Variants in TMEM185A observed in about 807,000 individuals in gnomAD.
The protein encoded by TMEM185A is family with sequence similarity 11, member A.
Under a neutral mutation model 25.0 loss-of-function variants are expected in TMEM185A, and 9 were observed. The observed-to-expected ratio is 0.36, with a 90% CI of 0.22 to 0.63. TMEM185A has a LOEUF of 0.63. Among genes scored for constraint, TMEM185A ranks in the 20% least tolerant of loss-of-function variants. The pLI is 0.68. For synonymous variants in TMEM185A, 45 were observed against 93.5 expected (o/e 0.48, Z 2.99); for missense variants, 103 against 237.4 (o/e 0.43, Z 3.72).
intron 1 of TMEM185A, among the ~76,000 whole-genome samples, chrX:149,614,438 T>G (rs1461612689): frequency 9.0e-6 from 1 of 111,723 alleles, no homozygotes; most frequent in Non-Finnish European, 1.9e-5. Flanking sequence ...AATTTTAGCA[T>G]CAAATACTTA....
chrX:149,607,644 G>GA (rs1557353738), intron 3 of TMEM185A, among the ~76,000 whole-genome samples: 1 of 112,337 alleles, frequency 8.9e-6, no homozygotes, highest in African/African-American at 3.2e-5. Flanking sequence ...TATGCTTAGG[G>GA]AAAAAGGGCT....
intron 1 of TMEM185A, among the ~76,000 whole-genome samples, chrX:149,612,945 G>C (rs1307680023): frequency 5.4e-5 from 6 of 111,935 alleles, no homozygotes; most frequent in African/African-American, 2.0e-4. Flanking sequence ...TCTCATGCTT[G>C]GGATGTTTTC....
At chrX:149,631,379 G>T in intron 1 of TMEM185A, 164 bp downstream of exon 1, 1 of 284,515 alleles carries the variant, frequency 3.5e-6, no homozygotes, top group Non-Finnish European at 4.8e-6. Flanking sequence ...CGCCGAGGCC[G>T]ACTGTTTTGC....
chrX:149,631,497 G>A (rs782667555), intron 1 of TMEM185A, 46 bp downstream of exon 1: 5 of 1,141,381 alleles, frequency 4.4e-6, no homozygotes, highest in Non-Finnish European at 5.8e-6. Context: ...GCCCGCGCCC[G>A]AGCCCGCAGC....
intron 6 of TMEM185A, 112 bp downstream of exon 6, chrX:149,599,442 T>A: frequency 1.7e-6 from 1 of 603,355 alleles, no homozygotes; most frequent in Non-Finnish European, 2.6e-6. Flanking sequence ...CACAAGCTTC[T>A]AAATTGGGGC....
At chrX:149,605,310 TATGGCCTCCCATGTCAC>T in intron 3 of TMEM185A, 2 of 100,240 alleles carry the variant, frequency 2.0e-5, no homozygotes, top group Non-Finnish European at 4.0e-5. Context: ...CCCATGTCAC[TATGGCCTCCCATGTCAC>T]TTTCTATGGC....
rs1164250439 is a variant in TMEM185A at position 149,605,004 on chromosome X, T to C, written c.424-934A>G. ...CACAAACTCAGTCTTCTCTCCCGAC[T>C]AGGAAGACAGACACACAAACACACA... On this transcript the variant is annotated intron_variant, in intron 3 of 6. Coordinates refer to ENST00000600449, the MANE Select transcript of TMEM185A (RefSeq NM_032508.4). Among the ~76,000 whole-genome samples, 3 of 111,856 alleles carry C rather than the reference T, an allele frequency of 2.7e-5. No individual in the cohort carries two copies. The Admixed American group carries it at 2.8e-4, about 11-fold the overall frequency.
At position 149,631,735 on chromosome X, in the gene TMEM185A, T is replaced by TCGCCGCCGCCGCCGTCGCCGTCGCCGC. The variant is rs2090197658; in HGVS notation, c.-156_-155insGCGGCGACGGCGACGGCGGCGGCGGCG. The TCGCCGCCGCCGCCGTCGCCGTCGCCGC allele has an allele frequency of 3.1e-6, 1 of 327,457 alleles. No homozygotes were observed. Among genetic ancestry groups the TCGCCGCCGCCGCCGTCGCCGTCGCCGC allele is most frequent in the Non-Finnish European group, 4.9e-6 (1 of 204,604 alleles). The allele number at this position is 327,457 out of a possible 1,213,427, so 27.0% of individuals were successfully genotyped here. A position where few individuals can be genotyped will look rare whatever the true frequency, so the allele number is the denominator to read the frequency against. ...GTCCCCGCTGCCGTCGCCGTCGCCG[T>TCGCCGCCGCCGCCGTCGCCGTCGCCGC]CGCCGCCGCCGCCGCCGCCGCCGCC... is the stretch of plus-strand genomic sequence containing the variant. On this transcript the variant is annotated 5_prime_UTR_variant, in exon 1 of 7. Transcript: ENST00000600449.
At chrX:149,629,406 T>C (rs1557356380) in intron 1 of TMEM185A, among the ~76,000 whole-genome samples, 4 of 111,413 alleles carry the variant, frequency 3.6e-5, no homozygotes, top group African/African-American at 1.3e-4. Context: ...TTCCTCAGCA[T>C]GGAAGGAGAC....
At chrX:149,618,539 A>T (rs782770396) in intron 1 of TMEM185A, among the ~76,000 whole-genome samples, 6 of 111,715 alleles carry the variant, frequency 5.4e-5, no homozygotes, top group Non-Finnish European at 7.5e-5. Flanking sequence ...CTTTGTATAA[A>T]GCACTAAATC....
At chrX:149,614,748 G>A (rs1487092271) in intron 1 of TMEM185A, among the ~76,000 whole-genome samples, 2 of 111,391 alleles carry the variant, frequency 1.8e-5, no homozygotes, top group Non-Finnish European at 3.8e-5. Context: ...ATGAAAACAG[G>A]GATATCACTA....
chrX:149,630,584 T>C (rs2090186033), intron 1 of TMEM185A, among the ~76,000 whole-genome samples: 1 of 112,182 alleles, frequency 8.9e-6, no homozygotes, highest in Non-Finnish European at 1.9e-5. Context: ...GGCCAACTCC[T>C]CATTTTACAG....
rs782691133 is a variant in TMEM185A, at chrX:149,605,436, A to ACTTT, written c.424-1367_424-1366insAAAG. ...GTCACTTTCTATGGCCTCCCATGTC[A>ACTTT]CTATGGCCTCCCATGTCACTTTCTA... On this transcript the variant is annotated intron_variant, in intron 3 of 6. Transcript: ENST00000600449. Among the ~76,000 whole-genome samples the ACTTT allele has an allele frequency of 4.9e-4, 28 of 56,728 alleles. No individual in the cohort carries two copies. The East Asian group carries it at 6.2e-3, about 13-fold the overall frequency. 49.3% of individuals were successfully genotyped at this position (56,728 alleles called of 115,157 possible).
rs2090081776 is a variant in TMEM185A, at chrX:149,611,287, C to T, written c.215G>A (p.Arg72Gln). 2.5e-6 allele frequency: 3 copies of T among 1,203,987 alleles called. No homozygotes were observed. Among genetic ancestry groups the T allele is most frequent in the Non-Finnish European group, 2.2e-6 (2 of 892,658 alleles). ...TGVWARNPQYRAEGETCVEFK... is the reference protein window; with the variant it reads ...TGVWARNPQYQAEGETCVEFK... ...AATGGGTTGTATAAAGCAGTATTAC[C>T]GATATTGAGGATTTCGTGCCCAGAC... is the stretch of plus-strand genomic sequence containing the variant. Residue 72 changes from arginine (R) to glutamine (Q), a missense_variant and splice_region_variant, in exon 2 of 7, where the codon CGA becomes CAA. Coordinates refer to ENST00000600449, the MANE Select transcript of TMEM185A (RefSeq NM_032508.4).
At chrX:149,625,982 G>C (rs1297556108) in intron 1 of TMEM185A, among the ~76,000 whole-genome samples, 1 of 112,249 alleles carries the variant, frequency 8.9e-6, no homozygotes, top group African/African-American at 3.2e-5. Context: ...TAGAACTATG[G>C]CATGGCACGC....
intron 4 of TMEM185A, 94 bp downstream of exon 4, chrX:149,603,893 C>A: frequency 1.3e-6 from 1 of 742,210 alleles, no homozygotes; most frequent in Non-Finnish European, 2.0e-6. Flanking sequence ...GCTATTACTT[C>A]TGCTTGTCCG....
chrX:149,624,738 T>TA (rs2090155468), intron 1 of TMEM185A, among the ~76,000 whole-genome samples: 1 of 111,862 alleles, frequency 8.9e-6, no homozygotes, highest in Non-Finnish European at 1.9e-5. Context: ...TTTATTAAGA[T>TA]AAAAAATGTT....
intron 1 of TMEM185A, among the ~76,000 whole-genome samples, chrX:149,627,615 C>T (rs782072035): frequency 8.9e-6 from 1 of 112,076 alleles, no homozygotes; most frequent in Non-Finnish European, 1.9e-5. Flanking sequence ...AAGTCATTTC[C>T]ACTATAGACT....
At chrX:149,613,004 C>T (rs782779828) in intron 1 of TMEM185A, among the ~76,000 whole-genome samples, 35 of 111,699 alleles carry the variant, frequency 3.1e-4, no homozygotes, top group Non-Finnish European at 5.5e-4. Context: ...GAAAGTTCTC[C>T]GCTTTTAAGA....
Sources: allele counts gnomAD v4.1 joint callset (sites outside exome capture counted in the v4.1 genomes callset), GRCh38; gene constraint gnomAD v4.1.1; transcripts MANE v1.5; gene names NCBI Gene and HGNC (gene_info 2026-07-23, HGNC 2026-07-21).